Variants in IFT43 observed in about 807,000 individuals in gnomAD.
IFT43 encodes intraflagellar transport protein 43 homolog.
Under a neutral mutation model 32.3 loss-of-function variants are expected in IFT43, and 33 were observed. The observed-to-expected ratio is 1.02, with a 90% CI of 0.77 to 1.37. The LOEUF (loss-of-function observed/expected upper bound fraction) is 1.37. Ranked by LOEUF, IFT43 falls within the 40% of genes most tolerant of loss-of-function variation. The pLI is 0.00. For synonymous variants in IFT43, 93 were observed against 98.2 expected (o/e 0.95, Z 0.31); for missense variants, 274 against 265.9 (o/e 1.03, Z -0.21).
At chr14:76,066,132 A>G (rs943096520) in intron 5 of IFT43, among the ~76,000 whole-genome samples, 4 of 152,338 alleles carry the variant, frequency 2.6e-5, no homozygotes, top group Middle Eastern at 3.4e-3. Context: ...CCAGATTTGT[A>G]ATATAGAGTG....
intron 5 of IFT43, among the ~76,000 whole-genome samples, chr14:76,081,565 G>A (rs2037510759): frequency 6.6e-6 from 1 of 152,242 alleles, no homozygotes; most frequent in Non-Finnish European, 1.5e-5. Context: ...TGGTTTCCCA[G>A]TTCTCTGTTT....
chr14:75,988,860 C>T (rs753843258), intron 1 of IFT43, 25 bp from the exon 2 acceptor site: 8 of 1,613,392 alleles, frequency 5.0e-6, no homozygotes, highest in Non-Finnish European at 6.8e-6. Flanking sequence ...TTTGGGTCAG[C>T]AGTGCCTTCT....
At chr14:75,996,100 A>G (rs2035742172) in intron 2 of IFT43, among the ~76,000 whole-genome samples, 1 of 152,202 alleles carries the variant, frequency 6.6e-6, no homozygotes, top group African/African-American at 2.4e-5. Flanking sequence ...TGTGAGACCC[A>G]GAGTGCAAGT....
At chr14:76,045,339 G>C (rs2036786846) in intron 3 of IFT43, among the ~76,000 whole-genome samples, 1 of 152,102 alleles carries the variant, frequency 6.6e-6, no homozygotes. Context: ...TCAAATCATT[G>C]CTTTCTCTTC....
chr14:75,989,545 A>G (rs1874119664), intron 2 of IFT43, among the ~76,000 whole-genome samples: 1 of 151,564 alleles, frequency 6.6e-6, no homozygotes, highest in South Asian at 2.1e-4. Context: ...GCCCCTTTTT[A>G]CCTTCCTCTG....
intron 5 of IFT43, among the ~76,000 whole-genome samples, chr14:76,068,571 C>T (rs1351720677): frequency 2.0e-5 from 3 of 152,176 alleles, no homozygotes; most frequent in Non-Finnish European, 2.9e-5. Context: ...CCTCATGGTC[C>T]TCAAACTGTA....
intron 3 of IFT43, among the ~76,000 whole-genome samples, chr14:76,043,120 T>G (rs1216359628): frequency 6.6e-6 from 1 of 152,204 alleles, no homozygotes; most frequent in Admixed American, 6.5e-5. Context: ...ACAAGGGGTC[T>G]CAAAGGCCCT....
At chr14:76,055,417 A>G (rs753595347) in intron 3 of IFT43, among the ~76,000 whole-genome samples, 4 of 152,134 alleles carry the variant, frequency 2.6e-5, no homozygotes, top group Non-Finnish European at 4.4e-5. Flanking sequence ...TATATAAAAC[A>G]GGAAACAAAA....
At chr14:76,080,712 G>A (rs1245693430) in intron 5 of IFT43, among the ~76,000 whole-genome samples, 2 of 152,128 alleles carry the variant, frequency 1.3e-5, no homozygotes, top group Non-Finnish European at 2.9e-5. Context: ...CCTGGGGAAC[G>A]GCATTCTCAG....
chr14:76,021,472 T>C (rs986213753), intron 2 of IFT43, among the ~76,000 whole-genome samples: 1 of 152,334 alleles, frequency 6.6e-6, no homozygotes, highest in Admixed American at 6.5e-5. Context: ...ATAGTATATG[T>C]TGATAATCAT....
At chr14:75,992,878 G>C (rs574598692) in intron 2 of IFT43, among the ~76,000 whole-genome samples, 1 of 152,218 alleles carries the variant, frequency 6.6e-6, no homozygotes, top group Admixed American at 6.5e-5. Flanking sequence ...TGCAGCAGGC[G>C]TTTCTTAAGA....
chr14:75,988,913 A>G lies in IFT43; in HGVS notation c.83A>G (p.Gln28Arg). The change falls in exon 2 of 9, where the codon CAG becomes CGG. Residue 28 changes from glutamine (Q) to arginine (R), a missense_variant. Transcript: ENST00000314067. ...GCCAAGATGGGTCGCCGAGCTCAAC[A>G]GGAGTCAGCGCAGGCCGAGAATCAC... ...SRAKMGRRAQ[Q>R]ESAQAENHLN... The G allele has an allele frequency of 1.2e-6, 2 of 1,614,022 alleles. No individual in the cohort carries two copies. Among genetic ancestry groups the G allele is most frequent in the East Asian group, 2.2e-5 (1 of 44,874 alleles).
intron 5 of IFT43, among the ~76,000 whole-genome samples, chr14:76,067,360 G>T (rs551765596): frequency 1.3e-5 from 2 of 152,154 alleles, no homozygotes; most frequent in African/African-American, 2.4e-5. Flanking sequence ...GAGGTCAGGA[G>T]TTTGAGACCA....
At chr14:76,023,964 G>T (rs2036342175) in intron 3 of IFT43, among the ~76,000 whole-genome samples, 1 of 152,110 alleles carries the variant, frequency 6.6e-6, no homozygotes, top group African/African-American at 2.4e-5. Context: ...TTCTGTTTCT[G>T]GTTGGGCCAG....
intron 3 of IFT43, among the ~76,000 whole-genome samples, chr14:76,026,348 C>G (rs1012522166): frequency 6.6e-6 from 1 of 151,990 alleles, no homozygotes; most frequent in African/African-American, 2.4e-5. Context: ...CACCTGAGGT[C>G]GGGAGTTTGA....
At chr14:76,043,909 A>T (rs1442448982) in intron 3 of IFT43, among the ~76,000 whole-genome samples, 4 of 152,198 alleles carry the variant, frequency 2.6e-5, no homozygotes, top group Admixed American at 6.5e-5. Flanking sequence ...TGTGCTTCTG[A>T]ACCACTGGCT....
intron 3 of IFT43, among the ~76,000 whole-genome samples, chr14:76,048,436 C>T (rs557118866): frequency 4.6e-5 from 7 of 152,284 alleles, no homozygotes; most frequent in East Asian, 1.9e-4. Context: ...TAAAATTCTC[C>T]GAACATAAAT....
intron 3 of IFT43, among the ~76,000 whole-genome samples, chr14:76,044,949 T>C (rs1306669987): frequency 6.6e-6 from 1 of 152,206 alleles, no homozygotes; most frequent in African/African-American, 2.4e-5. Flanking sequence ...TAATACAGTA[T>C]ATAGCACATA....
At chr14:76,039,486 T>G (rs2036666282) in intron 3 of IFT43, among the ~76,000 whole-genome samples, 1 of 152,146 alleles carries the variant, frequency 6.6e-6, no homozygotes, top group Admixed American at 6.6e-5. Flanking sequence ...GAAGTGTCTT[T>G]GACCTTAAAG....
Sources: gnomAD v4.1 joint callset for allele counts (sites outside exome capture counted in the v4.1 genomes callset) on GRCh38, gnomAD v4.1.1 for gene constraint, MANE v1.5 for transcripts, NCBI Gene and HGNC (gene_info 2026-07-23, HGNC 2026-07-21) for gene names.